Variants in NKAIN2 observed in about 807,000 individuals in gnomAD.
The protein encoded by NKAIN2 is sodium/potassium-transporting ATPase subunit beta-1-interacting protein 2.
NKAIN2 carries 14 observed loss-of-function variants against 32.6 expected under a neutral mutation model. The ratio of observed to expected loss-of-function variants is 0.43; its 90% CI spans 0.28 to 0.67. NKAIN2 has a LOEUF of 0.67. Ranked by LOEUF, NKAIN2 falls within the 30% of genes least tolerant of loss-of-function variation. NKAIN2 has a pLI of 0.17. For synonymous variants in NKAIN2, 80 were observed against 87.2 expected (o/e 0.92, Z 0.46); for missense variants, 198 against 258.3 (o/e 0.77, Z 1.60).
intron 1 of NKAIN2, among the ~76,000 whole-genome samples, chr6:124,227,864 G>A (rs1056091657): frequency 3.3e-5 from 5 of 152,086 alleles, no homozygotes; most frequent in South Asian, 4.1e-4. Flanking sequence ...GTCTTAGTTT[G>A]GGATGCTATA....
rs564775321 is a variant in NKAIN2, at chr6:124,036,013, T to C, written c.54+231759T>C. ...ATAAACTCAGTTTAGAATCATTTGG[T>C]ATTAAAAGAATAAGTAATGGATATT... On this transcript the variant is annotated intron_variant, in intron 1 of 6. Coordinates refer to ENST00000368417, the MANE Select transcript of NKAIN2 (RefSeq NM_001040214.3). Among the ~76,000 whole-genome samples, 12 of 152,232 alleles carry C rather than the reference T, an allele frequency of 7.9e-5. 1 individual carries two copies. In the South Asian group the frequency reaches 2.5e-3, roughly 32 times the overall value.
intron 1 of NKAIN2, among the ~76,000 whole-genome samples, chr6:124,272,099 A>G (rs1794821510): frequency 6.6e-6 from 1 of 152,236 alleles, no homozygotes; most frequent in Admixed American, 6.5e-5. Context: ...ATAATGCAGT[A>G]TGAAGGAAAA....
chr6:124,778,150 T>TCCCCC (rs1027731812), intron 4 of NKAIN2, among the ~76,000 whole-genome samples: 6 of 152,088 alleles, frequency 3.9e-5, no homozygotes, highest in African/African-American at 1.4e-4. Context: ...CAGCTTGCTC[T>TCCCCC]CCCCCTGAGC....
At chr6:124,463,349 G>A (rs961020685) in intron 3 of NKAIN2, among the ~76,000 whole-genome samples, 1 of 151,996 alleles carries the variant, frequency 6.6e-6, no homozygotes, top group Non-Finnish European at 1.5e-5. Flanking sequence ...ACGTTTTACT[G>A]TAGCAAGTGA....
rs141390220 is a variant in NKAIN2 at position 123,916,516 on chromosome 6, G to A, written c.54+112262G>A. 4.1e-3 allele frequency among the ~76,000 whole-genome samples: 621 copies of A among 152,130 alleles called. 1 individual carries two copies. Among genetic ancestry groups the A allele is most frequent in the African/African-American group, 7.8e-3 (323 of 41,518 alleles). On this transcript the variant is annotated intron_variant, in intron 1 of 6. Coordinates refer to ENST00000368417, the MANE Select transcript of NKAIN2 (RefSeq NM_001040214.3). The stretch of plus-strand genomic sequence containing the variant: ...TGACCTCAAGGGATCTGCCTGCCTC[G>A]GCCTCCCAAGTGGTGGAATTACAGG...
intron 3 of NKAIN2, among the ~76,000 whole-genome samples, chr6:124,554,524 AG>A (rs1409609795): frequency 6.6e-6 from 1 of 152,256 alleles, no homozygotes; most frequent in Non-Finnish European, 1.5e-5. Context: ...ACCGGAAATG[AG>A]AACTACTGTT....
intron 1 of NKAIN2, among the ~76,000 whole-genome samples, chr6:124,194,341 T>A (rs922639104): frequency 2.0e-5 from 3 of 152,178 alleles, no homozygotes; most frequent in Non-Finnish European, 4.4e-5. Flanking sequence ...ACCATTTTCA[T>A]ATTACATGTT....
intron 3 of NKAIN2, among the ~76,000 whole-genome samples, chr6:124,584,024 T>A (rs545263417): frequency 3.3e-5 from 5 of 152,140 alleles, no homozygotes; most frequent in South Asian, 4.1e-4. Flanking sequence ...ATCTGAGATA[T>A]CAAACTATGA....
intron 1 of NKAIN2, among the ~76,000 whole-genome samples, chr6:124,123,665 G>T (rs1786005089): frequency 6.6e-6 from 1 of 152,028 alleles, no homozygotes; most frequent in Non-Finnish European, 1.5e-5. Flanking sequence ...TAATAAAGTA[G>T]CTTCTCATTT....
chr6:124,768,128 A>G (rs1778590869), intron 4 of NKAIN2, among the ~76,000 whole-genome samples: 1 of 152,208 alleles, frequency 6.6e-6, no homozygotes, highest in South Asian at 2.1e-4. Flanking sequence ...GAGATAGGAA[A>G]GAGTCCAAAA....
At chr6:124,458,177 T>C (rs866753459) in intron 3 of NKAIN2, among the ~76,000 whole-genome samples, 2 of 151,958 alleles carry the variant, frequency 1.3e-5, no homozygotes, top group African/African-American at 4.8e-5. Flanking sequence ...AAGTAAAGTA[T>C]TGAAATATTA....
At chr6:124,407,586 A>G (rs539021163) in intron 3 of NKAIN2, among the ~76,000 whole-genome samples, 1 of 152,130 alleles carries the variant, frequency 6.6e-6, no homozygotes, top group East Asian at 1.9e-4. Context: ...TTCTTAATCC[A>G]GTCTATCATT....
At chr6:124,465,262 G>C (rs1776698766) in intron 3 of NKAIN2, among the ~76,000 whole-genome samples, 1 of 152,046 alleles carries the variant, frequency 6.6e-6, no homozygotes, top group Non-Finnish European at 1.5e-5. Flanking sequence ...ACTGGATAAA[G>C]ACAATGTGGC....
chr6:124,305,381 T>C (rs1796467150), intron 2 of NKAIN2, among the ~76,000 whole-genome samples: 1 of 152,158 alleles, frequency 6.6e-6, no homozygotes, highest in South Asian at 2.1e-4. Flanking sequence ...ATTCAAATAA[T>C]ATTTATGGTA....
Position 124,135,921 on chromosome 6 carries a change from A to G in NKAIN2, c.55-147084A>G, listed in dbSNP as rs182286448. Among the ~76,000 whole-genome samples, 5 of 152,246 alleles carry G rather than the reference A, an allele frequency of 3.3e-5. No individual in the cohort carries two copies. In the East Asian group the frequency reaches 9.7e-4, roughly 29 times the overall value. The stretch of plus-strand genomic sequence containing the variant: ...GGCCATAGCATTAAATGCCTACATC[A>G]AAAAGTCTGAAAGAGCACAAATAGA... On this transcript the variant is annotated intron_variant, in intron 1 of 6. Transcript: ENST00000368417.
At chr6:124,434,006 C>G (rs1037695979) in intron 3 of NKAIN2, among the ~76,000 whole-genome samples, 69 of 152,136 alleles carry the variant, frequency 4.5e-4, no homozygotes, top group African/African-American at 1.6e-3. Context: ...TACTGAGATG[C>G]TATAGACATT....
chr6:124,583,652 A>T (rs1562268982), intron 3 of NKAIN2, among the ~76,000 whole-genome samples: 1 of 152,178 alleles, frequency 6.6e-6, no homozygotes, highest in Non-Finnish European at 1.5e-5. Flanking sequence ...GACATATGGT[A>T]TATGGAACCA....
At chr6:124,589,589 C>G (rs531944518) in intron 3 of NKAIN2, among the ~76,000 whole-genome samples, 1 of 152,252 alleles carries the variant, frequency 6.6e-6, no homozygotes, top group South Asian at 2.1e-4. Context: ...ATACATACAT[C>G]TCAATTGCAA....
chr6:124,251,379 A>G (rs1440101403), intron 1 of NKAIN2, among the ~76,000 whole-genome samples: 1 of 152,046 alleles, frequency 6.6e-6, no homozygotes, highest in East Asian at 1.9e-4. Context: ...TTTATTCATC[A>G]AAATATTTAT....
Sources: allele counts gnomAD v4.1 joint callset (sites outside exome capture counted in the v4.1 genomes callset), GRCh38; gene constraint gnomAD v4.1.1; transcripts MANE v1.5; gene names NCBI Gene and HGNC (gene_info 2026-07-23, HGNC 2026-07-21).